Variants in DENND2B observed in about 807,000 individuals in gnomAD.
DENND2B encodes the protein DENN domain-containing protein 2B.
DENND2B carries 32 observed loss-of-function variants against 116.0 expected under a neutral mutation model. The observed-to-expected ratio is 0.28, with a 90% confidence interval of 0.21 to 0.37. DENND2B has a LOEUF of 0.37. Among genes scored for constraint, DENND2B ranks in the 10% least tolerant of loss-of-function variants. The pLI is 1.00. For synonymous variants in DENND2B, 588 were observed against 583.9 expected, an observed-to-expected ratio of 1.01 and a Z score of -0.10; for missense variants, 1,276 against 1,477.7, an observed-to-expected ratio of 0.86 and a Z score of 2.24.
intron 19 of DENND2B, 40 bp from the exon 20 acceptor site, chr11:8,694,170 T>C (rs753168276): frequency 1.2e-6 from 2 of 1,613,176 alleles, no homozygotes; most frequent in East Asian, 2.2e-5. Context: ...TTCAGTGTTA[T>C]CCCTTCCAAC....
rs551905874 is a variant in DENND2B at position 8,694,141 on chromosome 11, G to C, written c.3380-11C>G. ...ACTTCATTTTGTTGCCTGTGGGCCA[G>C]AGAGGACAAGAGAGAATGTTCAGTG... On this transcript the variant is annotated splice_polypyrimidine_tract_variant and intron_variant, in intron 19 of 19. Transcript: ENST00000313726. 5 of 1,614,152 alleles carry C rather than the reference G, an allele frequency of 3.1e-6. No homozygotes were observed. The African/African-American group carries it at 4.0e-5, about 13-fold the overall frequency.
At chr11:8,740,453 G>A (rs1404335519) in intron 2 of DENND2B, among the ~76,000 whole-genome samples, 1 of 152,146 alleles carries the variant, frequency 6.6e-6, no homozygotes, top group Non-Finnish European at 1.5e-5. Flanking sequence ...TTTCTGGAGG[G>A]AAGGCTGTCT....
intron 4 of DENND2B, among the ~76,000 whole-genome samples, chr11:8,825,827 A>T (rs913729794): frequency 6.6e-6 from 1 of 152,216 alleles, no homozygotes; most frequent in African/African-American, 2.4e-5. Flanking sequence ...ATATGAGTCA[A>T]CTGATGAGCA....
At chr11:8,815,142 G>A (rs1286183739), upstream of DENND2B, among the ~76,000 whole-genome samples, 1 of 151,952 alleles carries the variant, frequency 6.6e-6, no homozygotes, top group Non-Finnish European at 1.5e-5. Context: ...CGATGACAAG[G>A]TTCTCTCAGG....
At chr11:8,824,555 G>T (rs11042093) in intron 4 of DENND2B, among the ~76,000 whole-genome samples, 67,270 of 151,724 alleles carry the variant, frequency 0.44, 15,692 homozygotes, top group East Asian at 0.6. Flanking sequence ...TGGCTGCATA[G>T]TATTCCATGC....
At chr11:8,771,184 C>T (rs2056783342) in intron 1 of DENND2B, among the ~76,000 whole-genome samples, 1 of 152,056 alleles carries the variant, frequency 6.6e-6, no homozygotes, top group African/African-American at 2.4e-5. Context: ...ACAAAGACGC[C>T]AGAAAGTAAC....
At chr11:8,711,684 A>G (rs1159694910) in intron 9 of DENND2B, among the ~76,000 whole-genome samples, 3 of 152,096 alleles carry the variant, frequency 2.0e-5, no homozygotes, top group Admixed American at 2.0e-4. Flanking sequence ...CCTGACCAAC[A>G]TGGAGAAACC....
chr11:8,837,508 C>T (rs982794624), intron 4 of DENND2B, among the ~76,000 whole-genome samples: 1 of 152,094 alleles, frequency 6.6e-6, no homozygotes, highest in Non-Finnish European at 1.5e-5. Flanking sequence ...CCACCATGCC[C>T]GGCTAATTTT....
At chr11:8,823,955 T>A (rs1407976763) in intron 4 of DENND2B, among the ~76,000 whole-genome samples, 1 of 148,070 alleles carries the variant, frequency 6.8e-6, no homozygotes, top group Non-Finnish European at 1.5e-5. Flanking sequence ...CAGGCTGGAG[T>A]GCAGTGGCGT....
intron 3 of DENND2B, among the ~76,000 whole-genome samples, chr11:8,843,838 C>G (rs1402102345): frequency 6.6e-6 from 1 of 152,166 alleles, no homozygotes; most frequent in African/African-American, 2.4e-5. Context: ...TTTGCTAAGC[C>G]AACTCCAACA....
chr11:8,851,051 G>A (rs1334277071), intron 3 of DENND2B, among the ~76,000 whole-genome samples: 1 of 152,088 alleles, frequency 6.6e-6, no homozygotes, highest in Non-Finnish European at 1.5e-5. Context: ...GGTGATGTTG[G>A]TCAAAGAACA....
Position 8,739,688 on chromosome 11 carries a change from A to G in DENND2B, c.81-8479T>C, listed in dbSNP as rs548054992. ...GCTCAACACAGGCATGGATGCCAAC[A>G]CTGCAGCATGCAACTGGCCAAAACC... On this transcript the variant is annotated intron_variant, in intron 2 of 19. Transcript: ENST00000313726. Among the ~76,000 whole-genome samples, 8 of 152,326 alleles carry G rather than the reference A, an allele frequency of 5.3e-5. No individual in the cohort carries two copies. In the East Asian group the frequency reaches 1.5e-3, roughly 29 times the overall value.
chr11:8,707,944 G>GT lies in DENND2B; in HGVS notation c.2353-91dup. On this transcript the variant is annotated intron_variant, in intron 11 of 19. Transcript: ENST00000313726. The surrounding 1 kb of genome is among the most constrained non-coding windows in gnomAD (Gnocchi z 4.8). The stretch of plus-strand genomic sequence containing the variant: ...GCTCCTTTTCCTTGGGAACGGAGGA[G>GT]TAAGGACTGCCCTTCTAGTGGAGGA... The GT allele has an allele frequency of 6.5e-7, 1 of 1,544,382 alleles. No homozygotes were observed. Among genetic ancestry groups the GT allele is most frequent in the East Asian group, 2.4e-5 (1 of 41,356 alleles).
Position 8,702,276 on chromosome 11 carries a change from T to G in DENND2B, c.2720+296A>C, listed in dbSNP as rs891519756. Reference sequence around the variant, plus strand: ...ATCTCAATTTCTTAACCTTTCCCCTTTACATATCCCGGCACCTGCACAGTC... The same window carrying G: ...ATCTCAATTTCTTAACCTTTCCCCTGTACATATCCCGGCACCTGCACAGTC... On this transcript the variant is annotated intron_variant, in intron 14 of 19. Coordinates refer to ENST00000313726, the MANE Select transcript of DENND2B (RefSeq NM_213618.2). The surrounding 1 kb of genome is among the most constrained non-coding windows in gnomAD (Gnocchi z 4.6). Among the ~76,000 whole-genome samples the G allele has an allele frequency of 3.7e-4, 56 of 152,230 alleles. No individual in the cohort carries two copies. The highest frequency in any genetic ancestry group is 1.3e-3 in the African/African-American group (55 of 41,546).
At chr11:8,774,103 G>A in intron 1 of DENND2B, 2 of 985,124 alleles carry the variant, frequency 2.0e-6, no homozygotes, top group South Asian at 9.4e-5. Context: ...GAGTAAGATA[G>A]TGCATGCAAA....
chr11:8,811,890 C>T (rs1021320248), upstream of DENND2B, among the ~76,000 whole-genome samples: 3 of 151,918 alleles, frequency 2.0e-5, no homozygotes, highest in African/African-American at 4.8e-5. Context: ...TGCACCACCA[C>T]GCCTGGCTAC....
rs780403024 is a variant in DENND2B, at chr11:8,717,727, C to T, written c.1629+14G>A. On this transcript the variant is annotated intron_variant, in intron 5 of 19. Coordinates refer to ENST00000313726, the MANE Select transcript of DENND2B (RefSeq NM_213618.2). ...TCACGCTAACCCTACAGGCCGATGT[C>T]AGGGCTGAGTTACCTGTGTGGGCGG... 1 of 1,539,324 alleles carries T rather than the reference C, an allele frequency of 6.5e-7. No individual in the cohort carries two copies. Among genetic ancestry groups the T allele is most frequent in the Non-Finnish European group, 8.8e-7 (1 of 1,139,978 alleles).
intron 1 of DENND2B, among the ~76,000 whole-genome samples, chr11:8,754,224 C>A (rs931364799): frequency 6.6e-6 from 1 of 151,992 alleles, no homozygotes; most frequent in Non-Finnish European, 1.5e-5. Flanking sequence ...TCTTTCAACT[C>A]AATAATAAAA....
At chr11:8,830,290 T>C (rs567730630) in intron 4 of DENND2B, among the ~76,000 whole-genome samples, 1 of 152,326 alleles carries the variant, frequency 6.6e-6, no homozygotes, top group East Asian at 1.9e-4. Flanking sequence ...CCTTTCCTTA[T>C]AAAGTTGACC....
Sources: allele counts gnomAD v4.1 joint callset (sites outside exome capture counted in the v4.1 genomes callset), GRCh38; gene constraint gnomAD v4.1.1; non-coding constraint Gnocchi (gnomAD v3.1); transcripts MANE v1.5; gene names NCBI Gene and HGNC (gene_info 2026-07-23, HGNC 2026-07-21).